Variants in TMEM231 observed in about 807,000 individuals in gnomAD.
TMEM231 encodes the protein transmembrane protein 231.
In TMEM231, 40 loss-of-function variants were observed where a neutral mutation model predicts 38.5. The observed-to-expected ratio is 1.04, with a 90% confidence interval of 0.81 to 1.35. The LOEUF (loss-of-function observed/expected upper bound fraction) is 1.35, where lower values mean the gene tolerates loss of function less well. Among genes scored for constraint, TMEM231 ranks in the 40% most tolerant of loss-of-function variants. The pLI, the probability that TMEM231 is intolerant of heterozygous loss-of-function variation, is 0.00. For missense variants in TMEM231, 420 were observed against 416.9 expected, an observed-to-expected ratio of 1.01 and a Z score of -0.07; for synonymous variants, 199 against 181.7, an observed-to-expected ratio of 1.10 and a Z score of -0.77.
intron 2 of TMEM231, among the ~76,000 whole-genome samples, chr16:75,546,644 T>C (rs1187391051): frequency 6.6e-6 from 1 of 152,174 alleles, no homozygotes; most frequent in Non-Finnish European, 1.5e-5. Flanking sequence ...GGTCTCACCA[T>C]GTTGGCCAGG....
intron 4 of TMEM231, among the ~76,000 whole-genome samples, chr16:75,545,102 C>A: frequency 6.6e-6 from 1 of 151,732 alleles, no homozygotes; most frequent in Admixed American, 6.6e-5. Flanking sequence ...ATTACAGGCA[C>A]GCACCACACG....
intron 2 of TMEM231, among the ~76,000 whole-genome samples, chr16:75,550,826 C>T (rs138979182): frequency 0.012 from 1,817 of 151,292 alleles, 41 homozygotes; most frequent in African/African-American, 0.041. Flanking sequence ...AAGCAATTCT[C>T]GTGCCTCAGC....
chr16:75,545,722 G>A (rs1172951007), intron 3 of TMEM231, 104 bp downstream of exon 3: 2 of 596,480 alleles, frequency 3.4e-6, no homozygotes, highest in African/African-American at 5.6e-5. Context: ...ACTACATGGG[G>A]AAGAGGGCCC....
At chr16:75,552,496 A>T (rs2151707556) in intron 2 of TMEM231, among the ~76,000 whole-genome samples, 1 of 152,248 alleles carries the variant, frequency 6.6e-6, no homozygotes, top group East Asian at 1.9e-4. Flanking sequence ...AAAGAAACTA[A>T]AAGCCATTGG....
rs1225504783 is a variant in TMEM231, at chr16:75,537,520, C to T, written c.*2474G>A. On this transcript the variant is annotated 3_prime_UTR_variant, in exon 7 of 7. Coordinates refer to ENST00000258173, the MANE Select transcript of TMEM231 (RefSeq NM_001077418.3). Reference sequence around the variant, plus strand: ...TTTTTTTTTTTGAGACGGAGTCTAGCTCTGTTGCCAGGCTGGAGTGCAGTG... The same window carrying T: ...TTTTTTTTTTTGAGACGGAGTCTAGTTCTGTTGCCAGGCTGGAGTGCAGTG... The T allele has an allele frequency of 2.0e-5, 3 of 147,560 alleles. No individual in the cohort carries two copies. The highest frequency in any genetic ancestry group is 6.8e-5 in the Admixed American group (1 of 14,758). The allele number at this position is 147,560 out of a possible 1,614,324, so 9.1% of individuals were successfully genotyped here.
chr16:75,544,358 G>A (rs2080658727), intron 4 of TMEM231, among the ~76,000 whole-genome samples: 1 of 152,178 alleles, frequency 6.6e-6, no homozygotes, highest in African/African-American at 2.4e-5. Flanking sequence ...TCTGAACAGG[G>A]ACCTGAATGG....
intron 2 of TMEM231, among the ~76,000 whole-genome samples, chr16:75,547,636 G>C (rs1379667190): frequency 6.6e-6 from 1 of 152,088 alleles, no homozygotes; most frequent in Non-Finnish European, 1.5e-5. Flanking sequence ...AAAATTAGCT[G>C]GGAGTGGTGG....
chr16:75,543,339 G>A (rs2080649042), intron 4 of TMEM231, among the ~76,000 whole-genome samples: 1 of 152,228 alleles, frequency 6.6e-6, no homozygotes, highest in East Asian at 1.9e-4. Flanking sequence ...AGCCCAGGCA[G>A]ATGGATCACT....
chr16:75,555,073 C>T (rs1450937165), intron 2 of TMEM231: 1 of 152,084 alleles, frequency 6.6e-6, no homozygotes, highest in African/African-American at 2.4e-5. Flanking sequence ...TTTCATACTT[C>T]TAAAGGAAAA....
intron 2 of TMEM231, among the ~76,000 whole-genome samples, chr16:75,546,609 A>AT (rs1014941067): frequency 2.6e-5 from 4 of 152,030 alleles, no homozygotes; most frequent in African/African-American, 7.2e-5. Context: ...TGCCCAGCTA[A>AT]TTTTTTTATT....
chr16:75,554,884 T>C (rs1371631567), intron 2 of TMEM231: 1 of 152,184 alleles, frequency 6.6e-6, no homozygotes, highest in East Asian at 1.9e-4. Context: ...TGCATCAACC[T>C]ATTACTATTT....
chr16:75,546,136 C>T, intron 2 of TMEM231, 182 bp from the exon 3 acceptor site: 3 of 1,526,914 alleles, frequency 2.0e-6, no homozygotes, highest in South Asian at 2.4e-5. Context: ...ACACAAAGTG[C>T]ATGGTCCCTG....
chr16:75,547,379 G>T (rs1597043423), intron 2 of TMEM231, among the ~76,000 whole-genome samples: 1 of 152,174 alleles, frequency 6.6e-6, no homozygotes, highest in Non-Finnish European at 1.5e-5. Context: ...AGACAATAAT[G>T]TTCCTTCTCT....
In TMEM231 at chr16:75,556,001, G is replaced by A. The variant is rs375353411; in HGVS notation, c.140-28C>T. 3 of 1,586,736 alleles carry A rather than the reference G, an allele frequency of 1.9e-6. No homozygotes were observed. The African/African-American group carries it at 4.0e-5, about 21-fold the overall frequency. ...GAGTTAAAGAGGGCGGTAGGGAGGC[G>A]GTTAGGGAGGCCGGCCCTGGCCGAG... On this transcript the variant is annotated intron_variant, in intron 1 of 6. Transcript: ENST00000258173.
chr16:75,537,214 C>T lies in TMEM231; in HGVS notation c.*2780G>A, dbSNP rs1373762688. ...CGTGGGTGATGAAATAATCTGTACACCAAACCCCCAGGTTGTACAATTTAG... is the reference window on the plus strand; with the variant it reads ...CGTGGGTGATGAAATAATCTGTACATCAAACCCCCAGGTTGTACAATTTAG... On this transcript the variant is annotated 3_prime_UTR_variant, in exon 7 of 7. Coordinates refer to ENST00000258173, the MANE Select transcript of TMEM231 (RefSeq NM_001077418.3). 6.6e-6 allele frequency: 1 copy of T among 151,292 alleles called. No individual in the cohort carries two copies. Among genetic ancestry groups the T allele is most frequent in the Non-Finnish European group, 1.5e-5 (1 of 67,942 alleles). The allele number at this position is 151,292 out of a possible 1,614,324, so 9.4% of individuals were successfully genotyped here.
intron 4 of TMEM231, among the ~76,000 whole-genome samples, chr16:75,544,598 A>G (rs2080661749): frequency 6.6e-6 from 1 of 152,162 alleles, no homozygotes; most frequent in Non-Finnish European, 1.5e-5. Context: ...AAACGCCTGC[A>G]CTCAGGGGTG....
intron 5 of TMEM231, chr16:75,542,020 G>C (rs894536915): frequency 1.3e-5 from 2 of 155,506 alleles, no homozygotes; most frequent in Non-Finnish European, 2.8e-5. Context: ...TCTGTGTATA[G>C]TCTCCATGAT....
intron 2 of TMEM231, 113 bp from the exon 3 acceptor site, chr16:75,546,067 T>C (rs1473627742): frequency 2.6e-6 from 4 of 1,550,886 alleles, no homozygotes; most frequent in African/African-American, 2.7e-5. Context: ...CAACAGGCAT[T>C]ATCTCCTCCA....
chr16:75,545,563 T>G (rs2080680204), intron 3 of TMEM231, 68 bp from the exon 4 acceptor site: 2 of 1,200,734 alleles, frequency 1.7e-6, no homozygotes, highest in Admixed American at 2.8e-5. Flanking sequence ...GTGCTAAGAG[T>G]CACCTGTCTT....
Sources: gnomAD v4.1 joint callset for allele counts (sites outside exome capture counted in the v4.1 genomes callset) on GRCh38, gnomAD v4.1.1 for gene constraint, MANE v1.5 for transcripts, NCBI Gene and HGNC (gene_info 2026-07-23, HGNC 2026-07-21) for gene names.